SLC24A2: variants seen among roughly 807,000 people sequenced by gnomAD.
SLC24A2 encodes the protein sodium/potassium/calcium exchanger 2.
Under a neutral mutation model 62.0 loss-of-function variants are expected in SLC24A2, and 36 were observed. That is an observed-to-expected ratio of 0.58 (90% CI 0.44 to 0.77). SLC24A2 has a LOEUF of 0.77. SLC24A2 is among the 30% of genes least tolerant of loss of function. The pLI, the probability that SLC24A2 is intolerant of heterozygous loss-of-function variation, is 0.00. For missense variants in SLC24A2, 846 were observed against 817.9 expected (o/e 1.03, Z -0.42); for synonymous variants, 358 against 294.0 (o/e 1.22, Z -2.23).
intron 7 of SLC24A2, among the ~76,000 whole-genome samples, chr9:19,572,432 C>A (rs189276724): frequency 6.6e-6 from 1 of 152,034 alleles, no homozygotes; most frequent in African/African-American, 2.4e-5. Context: ...GTGATTGAAT[C>A]TGGGGGGCAG....
chr9:20,221,262 T>A, the SLC24A2 span, among the ~76,000 whole-genome samples: 1 of 152,028 alleles, frequency 6.6e-6, no homozygotes. Flanking sequence ...GGGAGACAAG[T>A]GTAGAAGCAG....
chr9:19,990,851 CAAA>C, the SLC24A2 span, among the ~76,000 whole-genome samples: 2 of 126,548 alleles, frequency 1.6e-5, no homozygotes, highest in Admixed American at 8.4e-5. Context: ...TCTTGGTTAT[CAAA>C]AAAAAAAAAA....
At chr9:19,636,854 T>C (rs192765751) in intron 2 of SLC24A2, among the ~76,000 whole-genome samples, 1 of 152,070 alleles carries the variant, frequency 6.6e-6, no homozygotes, top group East Asian at 1.9e-4. Flanking sequence ...GCGGGAAGAG[T>C]GTCCATAACT....
chr9:19,549,684 C>G (rs995083974), intron 8 of SLC24A2, among the ~76,000 whole-genome samples: 1 of 152,168 alleles, frequency 6.6e-6, no homozygotes, highest in African/African-American at 2.4e-5. Context: ...GCAAAGAAGC[C>G]TCCAGATGAT....
chr9:20,097,892 G>A, the SLC24A2 span, among the ~76,000 whole-genome samples: 3 of 151,304 alleles, frequency 2.0e-5, no homozygotes, highest in African/African-American at 7.3e-5. Flanking sequence ...ACAGGCGCTC[G>A]ACACCACGCC....
At chr9:20,058,701 G>C in the SLC24A2 span, among the ~76,000 whole-genome samples, 2 of 152,204 alleles carry the variant, frequency 1.3e-5, no homozygotes, top group Non-Finnish European at 1.5e-5. Flanking sequence ...AGGAGTTCAA[G>C]GCTGCAGTGA....
the SLC24A2 span, among the ~76,000 whole-genome samples, chr9:19,838,059 A>G: frequency 0.69 from 102,861 of 148,976 alleles, 39,780 homozygotes; most frequent in Non-Finnish European, 0.87. Context: ...ACAGAATTGG[A>G]AAAAACTACT....
chr9:20,044,439 G>A, the SLC24A2 span, among the ~76,000 whole-genome samples: 1 of 152,120 alleles, frequency 6.6e-6, no homozygotes, highest in Admixed American at 6.5e-5. Context: ...GAACGCATGG[G>A]GAGGGCAGGG....
At chr9:19,949,623 G>C in the SLC24A2 span, among the ~76,000 whole-genome samples, 1 of 152,176 alleles carries the variant, frequency 6.6e-6, no homozygotes, top group Non-Finnish European at 1.5e-5. Context: ...CTTGCAGCTA[G>C]GTGTGATCTC....
At chr9:20,221,653 T>G in the SLC24A2 span, among the ~76,000 whole-genome samples, 2 of 151,706 alleles carry the variant, frequency 1.3e-5, no homozygotes, top group East Asian at 1.9e-4. Flanking sequence ...TAAAAATAAA[T>G]CCACAACTAG....
chr9:19,853,723 G>A, the SLC24A2 span, among the ~76,000 whole-genome samples: 1 of 152,178 alleles, frequency 6.6e-6, no homozygotes, highest in Non-Finnish European at 1.5e-5. Context: ...GTATTTTATA[G>A]AAGATTTTTG....
chr9:20,027,785 T>C, the SLC24A2 span, among the ~76,000 whole-genome samples: 3 of 152,210 alleles, frequency 2.0e-5, no homozygotes, highest in Non-Finnish European at 4.4e-5. Context: ...CTTGAAAATA[T>C]GCTCTCACCA....
At chr9:19,829,926 A>T in the SLC24A2 span, among the ~76,000 whole-genome samples, 1 of 150,606 alleles carries the variant, frequency 6.6e-6, no homozygotes, top group African/African-American at 2.4e-5. Flanking sequence ...TTGAGATTTT[A>T]TTTTATTTGG....
the SLC24A2 span, among the ~76,000 whole-genome samples, chr9:20,102,341 A>G: frequency 6.6e-6 from 1 of 152,194 alleles, no homozygotes; most frequent in Non-Finnish European, 1.5e-5. Flanking sequence ...TGTCCTTTGC[A>G]GGGACATGGA....
the SLC24A2 span, among the ~76,000 whole-genome samples, chr9:20,169,122 C>T: frequency 3.9e-5 from 6 of 152,094 alleles, no homozygotes; most frequent in African/African-American, 1.4e-4. Context: ...TGTAAGATCA[C>T]ACTTACATGA....
At chr9:19,908,146 A>C in the SLC24A2 span, among the ~76,000 whole-genome samples, 1 of 152,216 alleles carries the variant, frequency 6.6e-6, no homozygotes, top group South Asian at 2.1e-4. Flanking sequence ...GATATAGACC[A>C]ATGGAGCAGA....
chr9:20,242,964 CA>C, the SLC24A2 span, among the ~76,000 whole-genome samples: 1 of 152,176 alleles, frequency 6.6e-6, no homozygotes, highest in South Asian at 2.1e-4. Flanking sequence ...AAGCCACTTG[CA>C]AAACGAAAAG....
At chr9:20,076,788 G>C in the SLC24A2 span, among the ~76,000 whole-genome samples, 1 of 150,618 alleles carries the variant, frequency 6.6e-6, no homozygotes, top group East Asian at 2.0e-4. Context: ...TGACTATTGT[G>C]AATATTGCTG....
the SLC24A2 span, among the ~76,000 whole-genome samples, chr9:20,222,902 C>G: frequency 6.6e-6 from 1 of 151,764 alleles, no homozygotes; most frequent in Non-Finnish European, 1.5e-5. Flanking sequence ...CGCTTTAATA[C>G]GGTAATGAAG....
Sources: gnomAD v4.1 joint callset for allele counts (sites outside exome capture counted in the v4.1 genomes callset) on GRCh38, gnomAD v4.1.1 for gene constraint, MANE v1.5 for transcripts, NCBI Gene and HGNC (gene_info 2026-07-23, HGNC 2026-07-21) for gene names.